The following POFUT3 variants were observed in gnomAD, a reference collection of about 807,000 sequenced individuals.
POFUT3 encodes the protein protein O-fucosyltransferase 3, also known as GDP-fucose protein O-fucosyltransferase 3.
chr8:33,338,844 T>G, the POFUT3 span: 3 of 152,144 alleles, frequency 2.0e-5, no homozygotes, highest in African/African-American at 7.2e-5. Flanking sequence ...ACAAAAGGCT[T>G]AAATAAGACC....
chr8:33,424,815 TG>T, the POFUT3 span, among the ~76,000 whole-genome samples: 1 of 152,152 alleles, frequency 6.6e-6, no homozygotes, highest in African/African-American at 2.4e-5. Flanking sequence ...TGTCGCCAAA[TG>T]GAACAGGCCA....
the POFUT3 span, among the ~76,000 whole-genome samples, chr8:33,437,770 G>A: frequency 3.9e-5 from 6 of 151,928 alleles, no homozygotes; most frequent in South Asian, 2.1e-4. Context: ...AAGATCATCC[G>A]CTGCACTCCA....
At chr8:33,423,877 G>A in the POFUT3 span, among the ~76,000 whole-genome samples, 3 of 141,070 alleles carry the variant, frequency 2.1e-5, no homozygotes, top group Admixed American at 7.4e-5. Flanking sequence ...GGTGGCTCAC[G>A]CCTGTAATCC....
At chr8:33,348,100 C>A in the POFUT3 span, among the ~76,000 whole-genome samples, 4 of 150,734 alleles carry the variant, frequency 2.7e-5, no homozygotes, top group Non-Finnish European at 5.9e-5. Context: ...ATTCCTTGAA[C>A]TCTGGAGGTG....
chr8:33,459,168 C>T, the POFUT3 span, among the ~76,000 whole-genome samples: 6 of 152,024 alleles, frequency 3.9e-5, no homozygotes, highest in East Asian at 3.9e-4. Context: ...GGCAAAACCC[C>T]GTCTCTACTA....
At chr8:33,454,021 G>A in the POFUT3 span, among the ~76,000 whole-genome samples, 1 of 152,132 alleles carries the variant, frequency 6.6e-6, no homozygotes, top group Non-Finnish European at 1.5e-5. Context: ...CAGATACTCA[G>A]GAGGCTGAGG....
chr8:33,435,571 C>T, the POFUT3 span, among the ~76,000 whole-genome samples: 5 of 151,742 alleles, frequency 3.3e-5, no homozygotes, highest in Non-Finnish European at 7.4e-5. Context: ...GGCTAGAGTG[C>T]AGTGTCATGA....
At chr8:33,441,082 G>A in the POFUT3 span, among the ~76,000 whole-genome samples, 2 of 152,066 alleles carry the variant, frequency 1.3e-5, no homozygotes, top group Admixed American at 6.6e-5. Flanking sequence ...TGTAATCCCA[G>A]CACTTTGGGA....
chr8:33,376,160 T>C, the POFUT3 span, among the ~76,000 whole-genome samples: 1 of 152,176 alleles, frequency 6.6e-6, no homozygotes, highest in African/African-American at 2.4e-5. Context: ...TTTTTGTTAA[T>C]TAACTTTGTA....
chr8:33,319,422 T>TTA, the POFUT3 span, among the ~76,000 whole-genome samples: 1 of 68,902 alleles, frequency 1.5e-5, no homozygotes, highest in Non-Finnish European at 2.3e-5. Flanking sequence ...TATAAATATA[T>TTA]TATATATATA....
chr8:33,364,866 A>G, the POFUT3 span, among the ~76,000 whole-genome samples: 3 of 152,214 alleles, frequency 2.0e-5, no homozygotes, highest in African/African-American at 7.2e-5. Flanking sequence ...TGCCATCCCC[A>G]TCAAGCTACC....
the POFUT3 span, among the ~76,000 whole-genome samples, chr8:33,343,035 C>T: frequency 3.3e-5 from 5 of 150,670 alleles, no homozygotes; most frequent in Non-Finnish European, 7.4e-5. Context: ...TGAACCTAGG[C>T]GGCAGAGGTT....
chr8:33,415,914 C>A, the POFUT3 span, among the ~76,000 whole-genome samples: 1 of 152,146 alleles, frequency 6.6e-6, no homozygotes, highest in Non-Finnish European at 1.5e-5. Flanking sequence ...CCTCAGAACT[C>A]CCAAACAGTT....
At chr8:33,356,176 G>A in the POFUT3 span, among the ~76,000 whole-genome samples, 2 of 152,054 alleles carry the variant, frequency 1.3e-5, no homozygotes, top group Non-Finnish European at 2.9e-5. Context: ...TAGTCATTTG[G>A]GTATATACCC....
chr8:33,334,156 T>G, the POFUT3 span, among the ~76,000 whole-genome samples: 2 of 152,274 alleles, frequency 1.3e-5, no homozygotes, highest in East Asian at 3.9e-4. Context: ...TCCCATACAC[T>G]AGTGCTTCTC....
the POFUT3 span, chr8:33,389,770 A>T: frequency 6.2e-7 from 1 of 1,613,882 alleles, no homozygotes; most frequent in Non-Finnish European, 8.5e-7. Context: ...TCCGAGGCAG[A>T]GGTAAGCTAT....
At chr8:33,378,065 T>C in the POFUT3 span, among the ~76,000 whole-genome samples, 1 of 152,192 alleles carries the variant, frequency 6.6e-6, no homozygotes, top group African/African-American at 2.4e-5. Flanking sequence ...GATACAAAAA[T>C]GAGAGTTCAA....
the POFUT3 span, among the ~76,000 whole-genome samples, chr8:33,423,061 C>G: frequency 6.6e-6 from 1 of 152,102 alleles, no homozygotes; most frequent in East Asian, 1.9e-4. Flanking sequence ...AAGTAGTCCA[C>G]CTACCTTGGC....
the POFUT3 span, among the ~76,000 whole-genome samples, chr8:33,399,860 G>A: frequency 1.2e-4 from 18 of 151,746 alleles, no homozygotes; most frequent in Admixed American, 5.3e-4. Flanking sequence ...CACCATGTTC[G>A]TCAGGCTGGT....
Sources: gnomAD v4.1 joint callset for allele counts (sites outside exome capture counted in the v4.1 genomes callset) on GRCh38, gnomAD v4.1.1 for gene constraint, MANE v1.5 for transcripts, NCBI Gene and HGNC (gene_info 2026-07-23, HGNC 2026-07-21) for gene names.